The following TNS3 variants were observed in gnomAD, a reference collection of about 807,000 sequenced individuals.
TNS3 encodes the protein tensin-3.
In TNS3, 45 loss-of-function variants were observed where a neutral mutation model predicts 140.9. That is an observed-to-expected ratio of 0.32 (90% CI 0.25 to 0.41). The LOEUF (loss-of-function observed/expected upper bound fraction) is 0.41, where lower values mean the gene tolerates loss of function less well. Ranked by LOEUF, TNS3 falls within the 10% of genes least tolerant of loss-of-function variation. The pLI is 1.00. For synonymous variants in TNS3, 815 were observed against 788.4 expected (o/e 1.03, Z -0.56); for missense variants, 1,716 against 1,906.7 (o/e 0.90, Z 1.86).
At chr7:47,315,368 C>T (rs1406028977) in intron 20 of TNS3, among the ~76,000 whole-genome samples, 2 of 152,332 alleles carry the variant, frequency 1.3e-5, no homozygotes, top group African/African-American at 2.4e-5. Context: ...CCCCCGGGAC[C>T]GGGCTAGAAC....
At chr7:47,425,988 G>A (rs1264697721) in intron 9 of TNS3, among the ~76,000 whole-genome samples, 1 of 151,974 alleles carries the variant, frequency 6.6e-6, no homozygotes, top group Non-Finnish European at 1.5e-5. Context: ...GGCAAGCTTT[G>A]CAGTAGAAAA....
At chr7:47,280,452 C>G in intron 28 of TNS3, 98 bp from the exon 29 acceptor site, 1 of 1,097,924 alleles carries the variant, frequency 9.1e-7, no homozygotes, top group Non-Finnish European at 1.4e-6. Flanking sequence ...GAAGATTCTT[C>G]CAGCAGAAAA....
intron 1 of TNS3, among the ~76,000 whole-genome samples, chr7:47,569,371 C>T (rs997555294): frequency 1.1e-4 from 16 of 151,546 alleles, no homozygotes; most frequent in African/African-American, 3.6e-4. Context: ...GATGAAACCC[C>T]GTCTCTACTA....
chr7:47,473,064 T>C (rs989458004), intron 4 of TNS3, among the ~76,000 whole-genome samples: 1 of 152,166 alleles, frequency 6.6e-6, no homozygotes, highest in African/African-American at 2.4e-5. Context: ...CCCACCCGAC[T>C]GCTCAGCATC....
At chr7:47,504,979 A>C (rs1798361055) in intron 3 of TNS3, among the ~76,000 whole-genome samples, 1 of 143,326 alleles carries the variant, frequency 7.0e-6, no homozygotes, top group Admixed American at 6.9e-5. Context: ...TTTGGAATAC[A>C]CTTTGAACCA....
Position 47,440,026 on chromosome 7 carries a change from G to A in TNS3, c.-22-368C>T, listed in dbSNP as rs544968675. Reference sequence around the variant, plus strand: ...GGAGCAGGAACAGGGTTCCAGGCGGGACTCCTGGAGTGGGAGCCTCAACCC... The same window carrying A: ...GGAGCAGGAACAGGGTTCCAGGCGGAACTCCTGGAGTGGGAGCCTCAACCC... On this transcript the variant is annotated intron_variant, in intron 5 of 30. Transcript: ENST00000311160. 2.6e-5 allele frequency among the ~76,000 whole-genome samples: 4 copies of A among 152,278 alleles called. No homozygotes were observed. In the South Asian group the frequency reaches 6.2e-4, roughly 24 times the overall value.
chr7:47,483,968 G>T (rs936557303), intron 3 of TNS3, among the ~76,000 whole-genome samples: 2 of 152,206 alleles, frequency 1.3e-5, no homozygotes, highest in Non-Finnish European at 2.9e-5. Flanking sequence ...TCACGTAATA[G>T]AAACTGCATA....
intron 16 of TNS3, among the ~76,000 whole-genome samples, chr7:47,390,234 C>T (rs1405793787): frequency 6.6e-6 from 1 of 152,224 alleles, no homozygotes; most frequent in Non-Finnish European, 1.5e-5. Context: ...TCAAAGTTTA[C>T]TTCAATTTCC....
chr7:47,319,553 G>A (rs1010351984), intron 20 of TNS3, among the ~76,000 whole-genome samples: 1 of 152,132 alleles, frequency 6.6e-6, no homozygotes, highest in Non-Finnish European at 1.5e-5. Context: ...CCATGGAGGG[G>A]ACAAATATCC....
At position 47,450,175 on chromosome 7, in the gene TNS3, A is replaced by C. The variant is rs7790110; in HGVS notation, c.-75-8120T>G. Reference sequence around the variant, plus strand: ...TCTGAAGAGGCATGAGGATGCTGTTATTAGATTTCAATAACAGACAGCTAG... The same window carrying C: ...TCTGAAGAGGCATGAGGATGCTGTTCTTAGATTTCAATAACAGACAGCTAG... On this transcript the variant is annotated intron_variant, in intron 4 of 30. Coordinates refer to ENST00000311160, the MANE Select transcript of TNS3 (RefSeq NM_022748.12). 3.3e-3 allele frequency among the ~76,000 whole-genome samples: 505 copies of C among 152,368 alleles called. 6 individuals carry two copies. Among genetic ancestry groups the C allele is most frequent in the African/African-American group, 0.012 (484 of 41,584 alleles).
chr7:47,297,250 G>T (rs532230484), intron 23 of TNS3, 37 bp from the exon 24 acceptor site: 1 of 1,587,132 alleles, frequency 6.3e-7, no homozygotes, highest in Admixed American at 1.8e-5. Context: ...AAGGTCTGCC[G>T]GGTGGACAAA....
At chr7:47,451,193 G>C (rs1795996630) in intron 4 of TNS3, among the ~76,000 whole-genome samples, 1 of 152,194 alleles carries the variant, frequency 6.6e-6, no homozygotes, top group African/African-American at 2.4e-5. Context: ...CCTGCAAAGA[G>C]AATATCAGCT....
At chr7:47,423,998 T>C (rs1180325761) in intron 10 of TNS3, 103 bp downstream of exon 10, 6 of 1,144,458 alleles carry the variant, frequency 5.2e-6, no homozygotes, top group African/African-American at 4.6e-5. Context: ...AGAATACTAT[T>C]CATTTAGGTG....
intron 1 of TNS3, among the ~76,000 whole-genome samples, chr7:47,535,280 AG>A (rs1309388978): frequency 6.6e-6 from 1 of 152,230 alleles, no homozygotes; most frequent in Non-Finnish European, 1.5e-5. Flanking sequence ...TATTCCAACC[AG>A]GGAGAAAGAG....
At chr7:47,428,495 C>T in intron 8 of TNS3, 119 bp from the exon 9 acceptor site, 1 of 653,790 alleles carries the variant, frequency 1.5e-6, no homozygotes, top group Non-Finnish European at 2.3e-6. Flanking sequence ...GTGGTAAGGC[C>T]AGCATTACCC....
intron 17 of TNS3, among the ~76,000 whole-genome samples, chr7:47,347,630 A>G (rs562614345): frequency 6.6e-6 from 1 of 151,876 alleles, no homozygotes; most frequent in East Asian, 1.9e-4. Flanking sequence ...GTCCCATGGG[A>G]CATCTGCTCA....
chr7:47,551,044 CAGCCTCTTGGG>C (rs2151981069), intron 1 of TNS3, among the ~76,000 whole-genome samples: 1 of 152,368 alleles, frequency 6.6e-6, no homozygotes, highest in South Asian at 2.1e-4. Context: ...AGGAGGGGCT[CAGCCTCTTGGG>C]AGCCTGGGTG....
chr7:47,421,398 G>C, intron 10 of TNS3, among the ~76,000 whole-genome samples: 1 of 151,806 alleles, frequency 6.6e-6, no homozygotes. Context: ...TTCCAGAGTA[G>C]CTGGGACTAC....
chr7:47,318,849 T>C (rs946607574), intron 20 of TNS3, among the ~76,000 whole-genome samples: 6 of 152,238 alleles, frequency 3.9e-5, no homozygotes, highest in African/African-American at 1.2e-4. Context: ...AGGCTGTACC[T>C]AAGATGCTTG....
Sources: allele counts gnomAD v4.1 joint callset (sites outside exome capture counted in the v4.1 genomes callset), GRCh38; gene constraint gnomAD v4.1.1; transcripts MANE v1.5; gene names NCBI Gene and HGNC (gene_info 2026-07-23, HGNC 2026-07-21).